Variants in SRPK2 observed in about 807,000 individuals in gnomAD.
SRPK2 encodes the protein SFRS protein kinase 2.
SRPK2 carries 21 observed loss-of-function variants against 90.8 expected under a neutral mutation model. The ratio of observed to expected loss-of-function variants is 0.23; its 90% CI spans 0.16 to 0.33. The LOEUF (loss-of-function observed/expected upper bound fraction) is 0.33, where lower values mean the gene tolerates loss of function less well. SRPK2 is among the 10% of genes least tolerant of loss of function. The pLI is 1.00. For synonymous variants in SRPK2, 288 were observed against 311.1 expected, an observed-to-expected ratio of 0.93 and a Z score of 0.78; for missense variants, 620 against 869.0, an observed-to-expected ratio of 0.71 and a Z score of 3.60.
chr7:105,240,072 T>TA (rs1406679074), intron 2 of SRPK2, among the ~76,000 whole-genome samples: 1 of 152,108 alleles, frequency 6.6e-6, no homozygotes, highest in Non-Finnish European at 1.5e-5. Flanking sequence ...GAGTGACTTA[T>TA]AAAAAAGAGA....
At chr7:105,143,499 A>C (rs1357884826) in intron 9 of SRPK2, 169 bp from the exon 10 acceptor site, 1 of 854,068 alleles carries the variant, frequency 1.2e-6, no homozygotes, top group African/African-American at 1.7e-5. Context: ...CGATAAAATC[A>C]AAGGGAAAGC....
At chr7:105,300,189 GCTACAGTGAGC>G (rs1449717355) in intron 2 of SRPK2, among the ~76,000 whole-genome samples, 1 of 142,478 alleles carries the variant, frequency 7.0e-6, no homozygotes, top group African/African-American at 2.6e-5. Flanking sequence ...GGAGGCAGAG[GCTACAGTGAGC>G]CAAGATCACG....
At chr7:105,373,154 T>C in intron 2 of SRPK2, among the ~76,000 whole-genome samples, 1 of 152,056 alleles carries the variant, frequency 6.6e-6, no homozygotes, top group Non-Finnish European at 1.5e-5. Flanking sequence ...CTCTCTCTAA[T>C]CCTTAGTTCC....
intron 2 of SRPK2, among the ~76,000 whole-genome samples, chr7:105,375,165 TTA>T (rs1820143518): frequency 6.6e-6 from 1 of 152,144 alleles, no homozygotes; most frequent in South Asian, 2.1e-4. Flanking sequence ...TGGAAAAAAT[TTA>T]TGTTTAAAAA....
intron 2 of SRPK2, among the ~76,000 whole-genome samples, chr7:105,283,171 C>T (rs1486221535): frequency 1.3e-5 from 2 of 152,174 alleles, no homozygotes; most frequent in Non-Finnish European, 1.5e-5. Flanking sequence ...CAGAGAATTT[C>T]GAGACTTCAG....
At position 105,316,958 on chromosome 7, in the gene SRPK2, A is replaced by T. The variant is rs369601125; in HGVS notation, c.71+71690T>A. ...GAGACTGAATAGGAATGTCATAAAC[A>T]TCTGTTCCCTCTCCCACTCCTTTAT... On this transcript the variant is annotated intron_variant, in intron 2 of 15. Transcript: ENST00000393651. 3.0e-4 allele frequency among the ~76,000 whole-genome samples: 46 copies of T among 152,360 alleles called. No individual in the cohort carries two copies. In the East Asian group the frequency reaches 4.8e-3, roughly 16 times the overall value.
intron 2 of SRPK2, among the ~76,000 whole-genome samples, chr7:105,273,163 A>G (rs1205413106): frequency 6.6e-6 from 1 of 151,484 alleles, no homozygotes; most frequent in Admixed American, 6.6e-5. Flanking sequence ...TGCAGTGAGC[A>G]GAGATCGCGC....
intron 2 of SRPK2, among the ~76,000 whole-genome samples, chr7:105,344,917 C>T (rs1161166330): frequency 6.6e-6 from 1 of 151,340 alleles, no homozygotes; most frequent in Non-Finnish European, 1.5e-5. Flanking sequence ...GGGTGGATCA[C>T]CAGAGGTCAG....
chr7:105,343,572 T>C (rs1204077), intron 2 of SRPK2, among the ~76,000 whole-genome samples: 110,748 of 152,130 alleles, frequency 0.73, 40,846 homozygotes, highest in African/African-American at 0.84. Context: ...TCCACCAGAA[T>C]ATAGGCTCCA....
At chr7:105,350,309 T>G (rs193061012) in intron 2 of SRPK2, among the ~76,000 whole-genome samples, 1 of 149,532 alleles carries the variant, frequency 6.7e-6, no homozygotes, top group East Asian at 2.0e-4. Context: ...TTTTTGTATT[T>G]TTAGTAGAGA....
At chr7:105,170,881 A>G (rs1454557338) in intron 3 of SRPK2, among the ~76,000 whole-genome samples, 42 of 130,888 alleles carry the variant, frequency 3.2e-4, no homozygotes, top group East Asian at 7.1e-4. Context: ...GAAAGAAAGA[A>G]AGAAAGAAAG....
intron 2 of SRPK2, among the ~76,000 whole-genome samples, chr7:105,234,878 A>G (rs1799936560): frequency 6.6e-6 from 1 of 152,272 alleles, no homozygotes; most frequent in Non-Finnish European, 1.5e-5. Flanking sequence ...TTCAAAGAAC[A>G]CATGAATTCC....
intron 11 of SRPK2, among the ~76,000 whole-genome samples, chr7:105,136,909 C>T (rs1276878420): frequency 2.0e-5 from 3 of 152,118 alleles, no homozygotes; most frequent in Admixed American, 6.5e-5. Context: ...GAAAAAAACA[C>T]AAGCTAAATT....
intron 2 of SRPK2, among the ~76,000 whole-genome samples, chr7:105,386,415 A>G (rs942901086): frequency 4.6e-5 from 7 of 151,548 alleles, no homozygotes; most frequent in Non-Finnish European, 1.0e-4. Context: ...AGTTCTTTTA[A>G]ATAATATCTT....
chr7:105,374,716 C>G (rs960258626), intron 2 of SRPK2, among the ~76,000 whole-genome samples: 1 of 152,148 alleles, frequency 6.6e-6, no homozygotes, highest in African/African-American at 2.4e-5. Flanking sequence ...AGCAGTTCTC[C>G]TGCCTCGCCT....
At chr7:105,160,716 A>T (rs1807488352) in intron 6 of SRPK2, 103 bp from the exon 7 acceptor site, 1 of 630,016 alleles carries the variant, frequency 1.6e-6, no homozygotes, top group Admixed American at 2.5e-5. Context: ...TTACTTTATA[A>T]AATACAACAT....
At chr7:105,374,484 G>C (rs1225708648) in intron 2 of SRPK2, among the ~76,000 whole-genome samples, 1 of 152,138 alleles carries the variant, frequency 6.6e-6, no homozygotes, top group Admixed American at 6.5e-5. Flanking sequence ...ATTCACTGAA[G>C]TAATACCATG....
At chr7:105,265,637 G>C (rs1804958034) in intron 2 of SRPK2, among the ~76,000 whole-genome samples, 1 of 152,030 alleles carries the variant, frequency 6.6e-6, no homozygotes, top group Admixed American at 6.6e-5. Context: ...TTTTTAATCA[G>C]ATATTCACAT....
At chr7:105,162,874 C>T (rs1246194048) in intron 6 of SRPK2, among the ~76,000 whole-genome samples, 2 of 152,190 alleles carry the variant, frequency 1.3e-5, no homozygotes, top group Non-Finnish European at 2.9e-5. Context: ...TATTTACCCA[C>T]GGATTAAGTA....
Sources: allele counts gnomAD v4.1 joint callset (sites outside exome capture counted in the v4.1 genomes callset), GRCh38; gene constraint gnomAD v4.1.1; transcripts MANE v1.5; gene names NCBI Gene and HGNC (gene_info 2026-07-23, HGNC 2026-07-21).